Variants in NKAIN2 observed in about 807,000 individuals in gnomAD.
NKAIN2 encodes sodium/potassium-transporting ATPase subunit beta-1-interacting protein 2.
NKAIN2 carries 14 observed loss-of-function variants against 32.6 expected under a neutral mutation model. The ratio of observed to expected loss-of-function variants is 0.43; its 90% CI spans 0.28 to 0.67. The LOEUF (loss-of-function observed/expected upper bound fraction) is 0.67. Among genes scored for constraint, NKAIN2 ranks in the 30% least tolerant of loss-of-function variants. The pLI is 0.17. For synonymous variants in NKAIN2, 80 were observed against 87.2 expected (o/e 0.92, Z 0.46); for missense variants, 198 against 258.3 (o/e 0.77, Z 1.60).
intron 3 of NKAIN2, among the ~76,000 whole-genome samples, chr6:124,601,354 A>G (rs930277960): frequency 2.0e-5 from 3 of 152,104 alleles, no homozygotes; most frequent in Middle Eastern, 3.2e-3. Flanking sequence ...TACTCTGCCT[A>G]TTGCGTACAC....
chr6:124,340,816 G>C (rs139913242), intron 2 of NKAIN2, among the ~76,000 whole-genome samples: 6 of 152,102 alleles, frequency 3.9e-5, no homozygotes, highest in Non-Finnish European at 7.4e-5. Context: ...TCAGTGGCAT[G>C]CTCCCAGCCT....
chr6:123,992,475 A>G (rs572752767), intron 1 of NKAIN2, among the ~76,000 whole-genome samples: 1 of 152,344 alleles, frequency 6.6e-6, no homozygotes, highest in African/African-American at 2.4e-5. Context: ...GCTAGAATGA[A>G]TGGATGAAAG....
chr6:124,379,737 G>T (rs2114367292), intron 3 of NKAIN2, among the ~76,000 whole-genome samples: 1 of 152,226 alleles, frequency 6.6e-6, no homozygotes, highest in African/African-American at 2.4e-5. Context: ...CAAGAGTTCA[G>T]TTGTAGAACT....
chr6:124,766,322 G>A (rs563774405), intron 4 of NKAIN2, among the ~76,000 whole-genome samples: 20 of 152,264 alleles, frequency 1.3e-4, no homozygotes, highest in East Asian at 9.7e-4. Flanking sequence ...CAAAATGAGC[G>A]GAAGAGGACC....
intron 1 of NKAIN2, among the ~76,000 whole-genome samples, chr6:124,001,530 C>T (rs1417484956): frequency 6.6e-6 from 1 of 151,602 alleles, no homozygotes; most frequent in Non-Finnish European, 1.5e-5. Flanking sequence ...TTTACATAGA[C>T]CTCTGGTTTT....
rs148216627 is a variant in NKAIN2 at position 124,080,323 on chromosome 6, G to A, written c.55-202682G>A. On this transcript the variant is annotated intron_variant, in intron 1 of 6. Coordinates refer to ENST00000368417, the MANE Select transcript of NKAIN2 (RefSeq NM_001040214.3). ...CTTGTTCCTAGAAGCTAGAATGTTAGAATTGAGTTAGCCTCTTGCAGTTTC... is the reference window on the plus strand; with the variant it reads ...CTTGTTCCTAGAAGCTAGAATGTTAAAATTGAGTTAGCCTCTTGCAGTTTC... Among the ~76,000 whole-genome samples the A allele has an allele frequency of 1.8e-3, 275 of 152,236 alleles. 2 individuals carry two copies. Among genetic ancestry groups the A allele is most frequent in the Middle Eastern group, 0.017 (5 of 294 alleles).
chr6:124,398,069 C>T (rs1773463779), intron 3 of NKAIN2, among the ~76,000 whole-genome samples: 1 of 151,284 alleles, frequency 6.6e-6, no homozygotes, highest in Non-Finnish European at 1.5e-5. Flanking sequence ...CTCGCTAACA[C>T]GGTGAAACCC....
chr6:124,075,575 T>A (rs758283144), intron 1 of NKAIN2, among the ~76,000 whole-genome samples: 3 of 152,136 alleles, frequency 2.0e-5, no homozygotes, highest in Non-Finnish European at 4.4e-5. Flanking sequence ...TATAAAACTT[T>A]AGGAAGTATG....
chr6:124,137,248 CTTT>C (rs1218675635), intron 1 of NKAIN2, among the ~76,000 whole-genome samples: 1 of 151,958 alleles, frequency 6.6e-6, no homozygotes, highest in African/African-American at 2.4e-5. Flanking sequence ...AGAACTCAAT[CTTT>C]TTTTCAACGA....
intron 3 of NKAIN2, among the ~76,000 whole-genome samples, chr6:124,377,962 G>C (rs943272922): frequency 6.6e-6 from 1 of 152,102 alleles, no homozygotes; most frequent in Non-Finnish European, 1.5e-5. Context: ...GATCTCAAGA[G>C]AGAAGAGTTG....
At chr6:124,590,375 C>A (rs1300562894) in intron 3 of NKAIN2, among the ~76,000 whole-genome samples, 2 of 152,144 alleles carry the variant, frequency 1.3e-5, no homozygotes, top group Non-Finnish European at 2.9e-5. Context: ...AGACTACTTA[C>A]TAAAATTCCA....
chr6:124,130,326 T>C (rs948517139), intron 1 of NKAIN2, among the ~76,000 whole-genome samples: 3 of 152,212 alleles, frequency 2.0e-5, no homozygotes, highest in Non-Finnish European at 1.5e-5. Flanking sequence ...TGAAACACAG[T>C]GGCCTTATGA....
At chr6:123,883,641 TAA>T (rs1433106958) in intron 1 of NKAIN2, among the ~76,000 whole-genome samples, 26 of 60,916 alleles carry the variant, frequency 4.3e-4, no homozygotes, top group East Asian at 1.6e-3. Flanking sequence ...ACCTCTTTTT[TAA>T]AAAAAAATTT....
At chr6:124,798,085 AT>A (rs1780092782) in intron 5 of NKAIN2, among the ~76,000 whole-genome samples, 2 of 150,296 alleles carry the variant, frequency 1.3e-5, no homozygotes, top group African/African-American at 4.9e-5. Flanking sequence ...CTATCTATCT[AT>A]CTATCTATCT....
At chr6:123,938,970 T>C (rs1776690418) in intron 1 of NKAIN2, among the ~76,000 whole-genome samples, 1 of 151,874 alleles carries the variant, frequency 6.6e-6, no homozygotes, top group South Asian at 2.1e-4. Flanking sequence ...GTGACTAAGA[T>C]AAGGCAAAGG....
intron 1 of NKAIN2, among the ~76,000 whole-genome samples, chr6:124,138,965 G>T (rs1259598527): frequency 6.6e-6 from 1 of 151,072 alleles, no homozygotes; most frequent in Non-Finnish European, 1.5e-5. Flanking sequence ...CTACATATTG[G>T]GTACAATGTA....
At chr6:124,588,440 C>T (rs187632058) in intron 3 of NKAIN2, among the ~76,000 whole-genome samples, 45 of 152,084 alleles carry the variant, frequency 3.0e-4, no homozygotes, top group Non-Finnish European at 5.3e-4. Context: ...ACATGTTTTT[C>T]GGTAATGATC....
intron 1 of NKAIN2, among the ~76,000 whole-genome samples, chr6:124,090,233 C>T (rs1367050301): frequency 6.6e-6 from 1 of 152,004 alleles, no homozygotes; most frequent in East Asian, 1.9e-4. Context: ...GCCTTCAGCT[C>T]TTCTGTACAT....
chr6:124,123,949 A>G (rs906766561), intron 1 of NKAIN2, among the ~76,000 whole-genome samples: 1 of 152,140 alleles, frequency 6.6e-6, no homozygotes, highest in East Asian at 1.9e-4. Flanking sequence ...TTGTTATCAT[A>G]ATGCAGGATA....
Sources: allele counts gnomAD v4.1 joint callset (sites outside exome capture counted in the v4.1 genomes callset), GRCh38; gene constraint gnomAD v4.1.1; transcripts MANE v1.5; gene names NCBI Gene and HGNC (gene_info 2026-07-23, HGNC 2026-07-21).